Variants in MLF1 observed in about 807,000 individuals in gnomAD.
The protein encoded by MLF1 is myelodysplasia-myeloid leukemia factor 1.
Under a neutral mutation model 38.3 loss-of-function variants are expected in MLF1, and 37 were observed. That is an observed-to-expected ratio of 0.96 (90% CI 0.74 to 1.27). The LOEUF (loss-of-function observed/expected upper bound fraction) is 1.27. MLF1 is among the 50% of genes most tolerant of loss of function. The pLI, the probability that MLF1 is intolerant of heterozygous loss-of-function variation, is 0.00. For synonymous variants in MLF1, 95 were observed against 106.5 expected (o/e 0.89, Z 0.66); for missense variants, 331 against 349.2 (o/e 0.95, Z 0.42).
At chr3:158,588,431 G>A (rs1224867866) in intron 1 of MLF1, among the ~76,000 whole-genome samples, 1 of 151,936 alleles carries the variant, frequency 6.6e-6, no homozygotes, top group East Asian at 1.9e-4. Context: ...GTGAAACCCC[G>A]TCTCTACTAA....
intron 1 of MLF1, chr3:158,588,946 A>C (rs1056024721): frequency 8.8e-6 from 4 of 453,960 alleles, no homozygotes; most frequent in African/African-American, 2.0e-5. Context: ...GTACTAAAAT[A>C]CTTGGGCCAG....
intron 3 of MLF1, among the ~76,000 whole-genome samples, chr3:158,593,960 A>G (rs1418170558): frequency 6.6e-6 from 1 of 152,194 alleles, no homozygotes; most frequent in Non-Finnish European, 1.5e-5. Context: ...GCTAGCTTCC[A>G]ACACACTAAA....
intron 1 of MLF1, among the ~76,000 whole-genome samples, chr3:158,584,720 C>G (rs1347369675): frequency 6.9e-6 from 1 of 144,612 alleles, no homozygotes; most frequent in South Asian, 2.2e-4. Context: ...TATGTATATA[C>G]CCCCCCCTAC....
chr3:158,593,353 A>G (rs1442271367), intron 2 of MLF1, 29 bp from the exon 3 acceptor site: 1 of 1,509,524 alleles, frequency 6.6e-7, no homozygotes, highest in Admixed American at 2.1e-5. Context: ...AAATGTCATA[A>G]TCAAATGAAT....
chr3:158,573,047 T>G (rs1462941301), intron 1 of MLF1, among the ~76,000 whole-genome samples: 2 of 151,434 alleles, frequency 1.3e-5, no homozygotes, highest in East Asian at 3.9e-4. Context: ...ATGGTGAGAA[T>G]TATGTTCACA....
At chr3:158,581,559 G>A (rs1273324147) in intron 1 of MLF1, among the ~76,000 whole-genome samples, 1 of 152,116 alleles carries the variant, frequency 6.6e-6, no homozygotes. Context: ...TTAATCTTAT[G>A]ACTACAGAAC....
At chr3:158,592,621 G>T in intron 2 of MLF1, 40 bp downstream of exon 2, 1 of 1,520,896 alleles carries the variant, frequency 6.6e-7, no homozygotes, top group Non-Finnish European at 8.9e-7. Context: ...AGAAGGCCCT[G>T]TAGGAATTTG....
At chr3:158,587,451 C>T (rs1347753179) in intron 1 of MLF1, among the ~76,000 whole-genome samples, 1 of 152,158 alleles carries the variant, frequency 6.6e-6, no homozygotes, top group Non-Finnish European at 1.5e-5. Flanking sequence ...CATTTTGAGA[C>T]ACCAGTAACC....
chr3:158,582,668 C>A, intron 1 of MLF1: 1 of 431,300 alleles, frequency 2.3e-6, no homozygotes. Flanking sequence ...ACCATGCAAG[C>A]AAGAAGAGAA....
intron 1 of MLF1, among the ~76,000 whole-genome samples, chr3:158,589,513 C>G (rs1717815644): frequency 6.6e-6 from 1 of 152,052 alleles, no homozygotes; most frequent in Non-Finnish European, 1.5e-5. Context: ...CCCAGCCCTC[C>G]ATAAACATTT....
At chr3:158,598,328 G>T (rs1221531643) in intron 5 of MLF1, 120 bp downstream of exon 5, 21 of 893,934 alleles carry the variant, frequency 2.3e-5, no homozygotes, top group Admixed American at 3.4e-5. Flanking sequence ...CAGGAGGGAG[G>T]TGTGGGGGTT....
chr3:158,601,011 A>G (rs908358518), intron 6 of MLF1, among the ~76,000 whole-genome samples: 17 of 151,730 alleles, frequency 1.1e-4, no homozygotes, highest in African/African-American at 3.9e-4. Context: ...TTAAGCTTTT[A>G]TATTTAATTG....
intron 4 of MLF1, 148 bp from the exon 5 acceptor site, chr3:158,597,932 T>G: frequency 8.3e-5 from 72 of 871,488 alleles, no homozygotes; most frequent in Non-Finnish European, 1.2e-4. Flanking sequence ...ACTTCTCACT[T>G]GAGAACCTGG....
intron 3 of MLF1, among the ~76,000 whole-genome samples, chr3:158,595,819 C>T (rs892441606): frequency 6.6e-6 from 1 of 152,116 alleles, no homozygotes; most frequent in Non-Finnish European, 1.5e-5. Flanking sequence ...TTCAGAGCTC[C>T]GCTTGGTTGA....
Position 158,602,814 on chromosome 3 carries a change from T to C in MLF1, c.621T>C (p.Ala207=). The C allele has an allele frequency of 1.9e-6, 3 of 1,613,402 alleles. No individual in the cohort carries two copies. The highest frequency in any genetic ancestry group is 2.5e-6 in the Non-Finnish European group (3 of 1,179,730). ...QEFINMNESD[A]HAFDEEWQSE... Reference sequence around the variant, plus strand: ...TTTTTCTGTTTGACATAGGTGATGCTCATGCTTTTGATGAGGAGTGGCAAA... The same window carrying C: ...TTTTTCTGTTTGACATAGGTGATGCCCATGCTTTTGATGAGGAGTGGCAAA... Residue 207 remains alanine (A), a synonymous_variant, in exon 7 of 8, where the codon GCT becomes GCC. Coordinates refer to ENST00000466246, the MANE Select transcript of MLF1 (RefSeq NM_001369783.1).
At chr3:158,601,806 C>CTTTTTTTT (rs1188640734) in intron 6 of MLF1, among the ~76,000 whole-genome samples, 3 of 96,046 alleles carry the variant, frequency 3.1e-5, no homozygotes, top group Non-Finnish European at 5.6e-5. Context: ...TAAAATTATT[C>CTTTTTTTT]TTTTTTTTTT....
chr3:158,572,913 G>T (rs559896746), intron 1 of MLF1, among the ~76,000 whole-genome samples: 1 of 151,730 alleles, frequency 6.6e-6, no homozygotes, highest in South Asian at 2.1e-4. Context: ...TCACACTCCC[G>T]GGGTGCCTGC....
At chr3:158,592,644 A>G in intron 2 of MLF1, 63 bp downstream of exon 2, 1 of 1,300,990 alleles carries the variant, frequency 7.7e-7, no homozygotes, top group Non-Finnish European at 1.1e-6. Flanking sequence ...GAAAAGTATT[A>G]CAGAAGTATA....
chr3:158,577,925 C>T (rs1255483887), intron 1 of MLF1, among the ~76,000 whole-genome samples: 3 of 152,166 alleles, frequency 2.0e-5, no homozygotes, highest in Non-Finnish European at 4.4e-5. Flanking sequence ...GCCACACCAA[C>T]ACTTTGTACT....
Sources: gnomAD v4.1 joint callset for allele counts (sites outside exome capture counted in the v4.1 genomes callset) on GRCh38, gnomAD v4.1.1 for gene constraint, MANE v1.5 for transcripts, NCBI Gene and HGNC (gene_info 2026-07-23, HGNC 2026-07-21) for gene names.